NKAIN2: variants seen among roughly 807,000 people sequenced by gnomAD.
NKAIN2 encodes sodium/potassium-transporting ATPase subunit beta-1-interacting protein 2.
In NKAIN2, 14 loss-of-function variants were observed where a neutral mutation model predicts 32.6. The ratio of observed to expected loss-of-function variants is 0.43; its 90% CI spans 0.28 to 0.67. The LOEUF (loss-of-function observed/expected upper bound fraction) is 0.67, where lower values mean the gene tolerates loss of function less well. Among genes scored for constraint, NKAIN2 ranks in the 30% least tolerant of loss-of-function variants. NKAIN2 has a pLI of 0.17. For synonymous variants in NKAIN2, 80 were observed against 87.2 expected (o/e 0.92, Z 0.46); for missense variants, 198 against 258.3 (o/e 0.77, Z 1.60).
At chr6:124,163,790 C>T (rs1437125937) in intron 1 of NKAIN2, among the ~76,000 whole-genome samples, 3 of 151,948 alleles carry the variant, frequency 2.0e-5, no homozygotes, top group African/African-American at 4.8e-5. Context: ...TTAAAGACAG[C>T]TGTGATCATT....
At chr6:124,006,354 A>G (rs1185131652) in intron 1 of NKAIN2, among the ~76,000 whole-genome samples, 1 of 152,178 alleles carries the variant, frequency 6.6e-6, no homozygotes, top group Non-Finnish European at 1.5e-5. Flanking sequence ...TTTATGTTTT[A>G]CTGGAAAAAA....
rs1209277935 is a variant in NKAIN2 at position 124,359,298 on chromosome 6, A to T, written c.273+3951A>T. Among the ~76,000 whole-genome samples, 6 of 152,156 alleles carry T rather than the reference A, an allele frequency of 3.9e-5. 1 individual carries two copies. The highest frequency in any genetic ancestry group is 8.8e-5 in the Non-Finnish European group (6 of 68,038). ...ATGAACTTTAAAGTAGCTTTTTCCA[A>T]TTCTGTGAAGAAAGTCATTGGTAGC... On this transcript the variant is annotated intron_variant, in intron 3 of 6. Transcript: ENST00000368417.
At chr6:124,357,934 C>T (rs79765762) in intron 3 of NKAIN2, among the ~76,000 whole-genome samples, 3,073 of 152,104 alleles carry the variant, frequency 0.02, 92 homozygotes, top group East Asian at 0.11. Flanking sequence ...CCAACCCGCA[C>T]GCCACAACAG....
intron 1 of NKAIN2, among the ~76,000 whole-genome samples, chr6:124,120,774 A>G (rs977114019): frequency 5.3e-5 from 8 of 152,160 alleles, no homozygotes; most frequent in African/African-American, 1.9e-4. Context: ...ACCTTAATAC[A>G]AGTAGAAAAG....
intron 2 of NKAIN2, among the ~76,000 whole-genome samples, chr6:124,299,368 A>C (rs1015247): frequency 0.41 from 61,603 of 152,080 alleles, 17,749 homozygotes; most frequent in African/African-American, 0.81. Context: ...GAAACTCAGG[A>C]CTTTTAGAAT....
intron 3 of NKAIN2, among the ~76,000 whole-genome samples, chr6:124,547,704 G>A (rs1780145597): frequency 6.6e-6 from 1 of 152,164 alleles, no homozygotes; most frequent in Non-Finnish European, 1.5e-5. Context: ...TCCTGAAAAT[G>A]TGGGTCAGAA....
chr6:124,698,169 G>T (rs1283961645), intron 4 of NKAIN2, among the ~76,000 whole-genome samples: 2 of 152,178 alleles, frequency 1.3e-5, no homozygotes, highest in East Asian at 3.8e-4. Context: ...AGAAGAGAAA[G>T]ATGCATCCTG....
intron 4 of NKAIN2, among the ~76,000 whole-genome samples, chr6:124,759,627 A>C (rs1355568315): frequency 7.3e-6 from 1 of 137,692 alleles, no homozygotes; most frequent in Non-Finnish European, 1.6e-5. Flanking sequence ...ACACACACAC[A>C]CACACACACA....
chr6:124,139,175 G>A (rs1048429926), intron 1 of NKAIN2, among the ~76,000 whole-genome samples: 9 of 134,742 alleles, frequency 6.7e-5, no homozygotes, highest in Non-Finnish European at 1.1e-4. Flanking sequence ...TGCAAGCTCC[G>A]CTTCCCGGGT....
intron 2 of NKAIN2, among the ~76,000 whole-genome samples, chr6:124,346,320 G>A (rs1202499827): frequency 1.3e-5 from 2 of 152,124 alleles, no homozygotes; most frequent in Admixed American, 1.3e-4. Flanking sequence ...GTTGATTTAG[G>A]GTGGAGAGTT....
At chr6:124,135,246 G>C (rs1212390742) in intron 1 of NKAIN2, among the ~76,000 whole-genome samples, 1 of 151,284 alleles carries the variant, frequency 6.6e-6, no homozygotes, top group African/African-American at 2.4e-5. Flanking sequence ...GCAACAACTA[G>C]CATGATGAAT....
At chr6:124,111,334 A>G (rs1231253513) in intron 1 of NKAIN2, among the ~76,000 whole-genome samples, 5 of 150,630 alleles carry the variant, frequency 3.3e-5, no homozygotes, top group South Asian at 2.1e-4. Flanking sequence ...ATTGTGGTCT[A>G]TTTCTCCTTT....
chr6:124,667,536 G>A (rs1010423506), intron 4 of NKAIN2, among the ~76,000 whole-genome samples: 1 of 152,030 alleles, frequency 6.6e-6, no homozygotes, highest in African/African-American at 2.4e-5. Flanking sequence ...TAAAAGGTCA[G>A]CATCCTTCTT....
At position 123,904,922 on chromosome 6, in the gene NKAIN2, G is replaced by T. The variant is rs187041170; in HGVS notation, c.54+100668G>T. Among the ~76,000 whole-genome samples the T allele has an allele frequency of 1.3e-3, 194 of 152,184 alleles. 1 individual carries two copies. The highest frequency in any genetic ancestry group is 4.1e-3 in the African/African-American group (169 of 41,508). ...AAATCTTCATCCTCTGGGCTCAAAT[G>T]ACCAATATTATATTTTTCAGAAATC... On this transcript the variant is annotated intron_variant, in intron 1 of 6. Coordinates refer to ENST00000368417, the MANE Select transcript of NKAIN2 (RefSeq NM_001040214.3).
At position 124,283,034 on chromosome 6, in the gene NKAIN2, C is replaced by A. The variant is rs755195287; in HGVS notation, c.84C>A (p.Asp28Glu). The part of the protein sequence containing the change: ...LVCVLERQIF[D>E]FLGYQWAPIL... ...GTGTGCTGGAGAGGCAAATATTTGA[C>A]TTCCTTGGATATCAGTGGGCACCTA... is the stretch of plus-strand genomic sequence containing the variant. Residue 28 changes from aspartate to glutamate, a missense_variant, in exon 2 of 7, where the codon GAC becomes GAA. By Grantham distance (45) the Asp-to-Glu change is conservative. Coordinates refer to ENST00000368417, the MANE Select transcript of NKAIN2 (RefSeq NM_001040214.3). The A allele has an allele frequency of 6.2e-7, 1 of 1,613,538 alleles. No homozygotes were observed. Among genetic ancestry groups the A allele is most frequent in the Non-Finnish European group, 8.5e-7 (1 of 1,179,580 alleles).
At chr6:124,219,976 G>A (rs1791723660) in intron 1 of NKAIN2, among the ~76,000 whole-genome samples, 1 of 152,120 alleles carries the variant, frequency 6.6e-6, no homozygotes. Context: ...TGTTTCATAA[G>A]CATCTTTCCA....
intron 1 of NKAIN2, among the ~76,000 whole-genome samples, chr6:124,123,845 T>C (rs1428407647): frequency 6.6e-6 from 1 of 152,122 alleles, no homozygotes; most frequent in Non-Finnish European, 1.5e-5. Context: ...TACCACTGCA[T>C]TTTAAAACAA....
intron 1 of NKAIN2, among the ~76,000 whole-genome samples, chr6:124,262,887 T>G (rs1380388886): frequency 6.6e-6 from 1 of 152,160 alleles, no homozygotes; most frequent in Non-Finnish European, 1.5e-5. Flanking sequence ...CCTTCTGGTC[T>G]CCATGACCTT....
intron 4 of NKAIN2, among the ~76,000 whole-genome samples, chr6:124,738,082 G>A (rs1314393786): frequency 1.3e-5 from 2 of 151,864 alleles, no homozygotes; most frequent in South Asian, 2.1e-4. Context: ...AATCACCCAA[G>A]AATCCTGGTT....
Sources: allele counts gnomAD v4.1 joint callset (sites outside exome capture counted in the v4.1 genomes callset), GRCh38; gene constraint gnomAD v4.1.1; transcripts MANE v1.5; gene names NCBI Gene and HGNC (gene_info 2026-07-23, HGNC 2026-07-21).